The following ARFGAP3 variants were observed in gnomAD, a reference collection of about 807,000 sequenced individuals.
ARFGAP3 encodes ARF GTPase activating protein 3.
ARFGAP3 carries 72 observed loss-of-function variants against 75.0 expected under a neutral mutation model. The observed-to-expected ratio is 0.96, with a 90% CI of 0.79 to 1.17. The LOEUF is 1.17. Ranked by LOEUF, ARFGAP3 falls within the 50% of genes most tolerant of loss-of-function variation. ARFGAP3 has a pLI of 0.00. For synonymous variants in ARFGAP3, 221 were observed against 217.9 expected (o/e 1.01, Z -0.13); for missense variants, 620 against 626.6 (o/e 0.99, Z 0.11).
At chr22:42,830,886 G>A (rs1251680784) in intron 6 of ARFGAP3, among the ~76,000 whole-genome samples, 1 of 152,160 alleles carries the variant, frequency 6.6e-6, no homozygotes, top group Non-Finnish European at 1.5e-5. Flanking sequence ...AATTTGCTAT[G>A]TGCTTTCCAG....
intron 4 of ARFGAP3, 72 bp downstream of exon 4, chr22:42,835,290 C>T (rs751631441): frequency 6.5e-7 from 1 of 1,546,434 alleles, no homozygotes; most frequent in Non-Finnish European, 8.8e-7. Flanking sequence ...TTTTACTATT[C>T]AGGATAAAAA....
chr22:42,826,171 A>G (rs1926028714), intron 7 of ARFGAP3, among the ~76,000 whole-genome samples: 1 of 152,220 alleles, frequency 6.6e-6, no homozygotes, highest in African/African-American at 2.4e-5. Context: ...TGGAATATAT[A>G]ACAATTACAA....
chr22:42,799,125 G>A lies in ARFGAP3; in HGVS notation c.1447C>T (p.Pro483Ser), dbSNP rs1924738706. The A allele has an allele frequency of 6.2e-7, 1 of 1,614,174 alleles. No individual in the cohort carries two copies. The highest frequency in any genetic ancestry group is 1.3e-5 in the African/African-American group (1 of 75,024). ...YSLSSVLPNA[P>S]DMAQFKQGVR... ...CCCTGCTTGAACTGCGCCATGTCGGGGGCGTTGGGCAGCACACTGGACAGG... is the reference window on the plus strand; with the variant it reads ...CCCTGCTTGAACTGCGCCATGTCGGAGGCGTTGGGCAGCACACTGGACAGG... The change falls in exon 15 of 16, where the codon CCC becomes TCC. Residue 483 changes from proline to serine, a missense_variant. By Grantham distance (74) the Pro-to-Ser change is moderately conservative (BLOSUM62 -1). Coordinates refer to ENST00000263245, the MANE Select transcript of ARFGAP3 (RefSeq NM_014570.5).
intron 8 of ARFGAP3, 161 bp from the exon 9 acceptor site, chr22:42,822,570 C>T (rs982245882): frequency 7.6e-6 from 3 of 392,294 alleles, no homozygotes; most frequent in African/African-American, 6.6e-5. Flanking sequence ...AGTATTATTC[C>T]AGGAGTCCCT....
rs377712919 is a variant in ARFGAP3, at chr22:42,810,950, G to A, written c.1065-6C>T. ...CCACTGGCTCGTCAAAGTAACTGTA[G>A]GAGCAAGAGTACAACAGTGACTTTG... On this transcript the variant is annotated splice_region_variant and splice_polypyrimidine_tract_variant and intron_variant, in intron 11 of 15. Coordinates refer to ENST00000263245, the MANE Select transcript of ARFGAP3 (RefSeq NM_014570.5). The A allele has an allele frequency of 2.3e-5, 37 of 1,613,632 alleles. No individual in the cohort carries two copies. The highest frequency in any genetic ancestry group is 3.0e-5 in the Non-Finnish European group (35 of 1,179,758).
At chr22:42,832,293 T>C (rs1449775519) in intron 5 of ARFGAP3, among the ~76,000 whole-genome samples, 2 of 151,802 alleles carry the variant, frequency 1.3e-5, no homozygotes, top group African/African-American at 2.4e-5. Context: ...TTTGGGAGGC[T>C]GCGGCAGGCA....
chr22:42,852,876 T>C (rs1252114547), intron 1 of ARFGAP3, among the ~76,000 whole-genome samples: 3 of 151,122 alleles, frequency 2.0e-5, no homozygotes, highest in Non-Finnish European at 4.4e-5. Flanking sequence ...GCGATTCTCC[T>C]GCCTCAGCCT....
intron 15 of ARFGAP3, among the ~76,000 whole-genome samples, chr22:42,798,135 G>C (rs1174429581): frequency 6.6e-6 from 1 of 152,180 alleles, no homozygotes; most frequent in Admixed American, 6.5e-5. Flanking sequence ...CACTGATGTG[G>C]GCTTAGCTGA....
intron 11 of ARFGAP3, among the ~76,000 whole-genome samples, chr22:42,814,837 A>AGTGATCCTCCACCTCAGCCTCCC (rs1925509956): frequency 6.6e-6 from 1 of 152,148 alleles, no homozygotes; most frequent in Non-Finnish European, 1.5e-5. Context: ...CCCAGGCTCA[A>AGTGATCCTCCACCTCAGCCTCCC]GTGATCCTCC....
chr22:42,851,359 CAAG>C (rs3838165), intron 1 of ARFGAP3, among the ~76,000 whole-genome samples: 2 of 152,216 alleles, frequency 1.3e-5, no homozygotes, highest in Non-Finnish European at 2.9e-5. Flanking sequence ...AGACTGGCTA[CAAG>C]AAGAGAGCAG....
rs763439347 is a variant in ARFGAP3 at position 42,826,936 on chromosome 22, T to G, written c.625+4A>C. 1 of 1,611,574 alleles carries G rather than the reference T, an allele frequency of 6.2e-7. No individual in the cohort carries two copies. ...ATCAGAATGTAGGATTTTAAGCATA[T>G]TACCTAAAGTAGCCTTTGTTGGTAC... On this transcript the variant is annotated splice_donor_region_variant and intron_variant, in intron 7 of 15. Transcript: ENST00000263245.
intron 14 of ARFGAP3, among the ~76,000 whole-genome samples, chr22:42,804,143 A>G (rs1925007464): frequency 6.6e-6 from 1 of 151,680 alleles, no homozygotes. Context: ...AGCTCAAGCG[A>G]TACGTCTTCC....
intron 14 of ARFGAP3, among the ~76,000 whole-genome samples, chr22:42,800,317 G>T (rs1467986164): frequency 2.6e-5 from 4 of 152,146 alleles, no homozygotes; most frequent in African/African-American, 9.7e-5. Flanking sequence ...ATCACTTGAG[G>T]TCAGGAGTTC....
chr22:42,830,016 T>C (rs1926215057), intron 6 of ARFGAP3, among the ~76,000 whole-genome samples: 1 of 152,218 alleles, frequency 6.6e-6, no homozygotes, highest in African/African-American at 2.4e-5. Flanking sequence ...TCTACGCCTA[T>C]ACCAGCAAAA....
chr22:42,844,051 G>C (rs1926899576), intron 2 of ARFGAP3, among the ~76,000 whole-genome samples: 1 of 152,164 alleles, frequency 6.6e-6, no homozygotes. Context: ...CACCACCCAT[G>C]CCACACAGGA....
At chr22:42,837,910 G>A (rs900403218) in intron 3 of ARFGAP3, among the ~76,000 whole-genome samples, 3 of 151,050 alleles carry the variant, frequency 2.0e-5, no homozygotes, top group African/African-American at 7.3e-5. Context: ...GGGCTCAAGT[G>A]GTCCTCCTGC....
chr22:42,800,937 A>G (rs1924827149), intron 14 of ARFGAP3, among the ~76,000 whole-genome samples: 1 of 151,438 alleles, frequency 6.6e-6, no homozygotes, highest in African/African-American at 2.4e-5. Flanking sequence ...CTTTTCCCAG[A>G]ACACCCACAG....
chr22:42,839,888 A>G (rs1229356305), intron 3 of ARFGAP3, among the ~76,000 whole-genome samples: 1 of 152,110 alleles, frequency 6.6e-6, no homozygotes, highest in African/African-American at 2.4e-5. Flanking sequence ...AATATCCCCT[A>G]TAAGAGGGGA....
chr22:42,827,105 G>C, intron 6 of ARFGAP3, 106 bp from the exon 7 acceptor site: 1 of 1,451,446 alleles, frequency 6.9e-7, no homozygotes, highest in Non-Finnish European at 9.1e-7. Flanking sequence ...ATCCAATTTT[G>C]TCAATGATCA....
Sources: gnomAD v4.1 joint callset for allele counts (sites outside exome capture counted in the v4.1 genomes callset) on GRCh38, gnomAD v4.1.1 for gene constraint, MANE v1.5 for transcripts, NCBI Gene and HGNC (gene_info 2026-07-23, HGNC 2026-07-21) for gene names.